Variants in BRAF observed in about 807,000 individuals in gnomAD.
The protein encoded by BRAF is serine/threonine-protein kinase B-raf.
A neutral mutation model predicts 104.6 loss-of-function variants in BRAF; 16 were observed. The ratio of observed to expected loss-of-function variants is 0.15; its 90% CI spans 0.10 to 0.23. BRAF has a LOEUF of 0.23. Ranked by LOEUF, BRAF falls within the 10% of genes least tolerant of loss-of-function variation. The probability of loss-of-function intolerance (pLI) is 1.00; values close to 1 mark genes in which losing one functional copy is unlikely to be tolerated. For synonymous variants in BRAF, 310 were observed against 341.6 expected (o/e 0.91, Z 1.02); for missense variants, 541 against 937.3 (o/e 0.58, Z 5.52).
intron 1 of BRAF, among the ~76,000 whole-genome samples, chr7:140,865,649 T>C (rs2129087386): frequency 6.6e-6 from 1 of 152,328 alleles, no homozygotes; most frequent in South Asian, 2.1e-4. Flanking sequence ...CACTTGAGAA[T>C]GGTAAAACTG....
Position 140,781,569 on chromosome 7 carries a change from T to C in BRAF, c.1552+7A>G, listed in dbSNP as rs1293263895. 6.2e-7 allele frequency: 1 copy of C among 1,610,440 alleles called. No individual in the cohort carries two copies. Among genetic ancestry groups the C allele is most frequent in the Admixed American group, 1.7e-5 (1 of 60,020 alleles). On this transcript the variant is annotated splice_region_variant and intron_variant, in intron 12 of 19. Transcript: ENST00000644969. ...CTTGTCACAATGTCACCACATTACATACTTACCATGCCACTTTCCCTTGTA... is the reference window on the plus strand; with the variant it reads ...CTTGTCACAATGTCACCACATTACACACTTACCATGCCACTTTCCCTTGTA...
At chr7:140,795,227 G>A (rs1236721023) in intron 7 of BRAF, among the ~76,000 whole-genome samples, 3 of 152,134 alleles carry the variant, frequency 2.0e-5, no homozygotes, top group Non-Finnish European at 2.9e-5. Flanking sequence ...CATAGTCTAT[G>A]ATATCTCACC....
At chr7:140,738,373 C>T (rs1286840131) in intron 18 of BRAF, among the ~76,000 whole-genome samples, 1 of 152,248 alleles carries the variant, frequency 6.6e-6, no homozygotes, top group Non-Finnish European at 1.5e-5. Flanking sequence ...ACATTGACTT[C>T]TGTCTGAGTT....
rs765734475 is a variant in BRAF, at chr7:140,721,777, G to C, written c.*4717C>G. ...AACAAGATACAAGAACCACAGCATG[G>C]AATATGTTTTCTTTTACATCCAATG... On this transcript the variant is annotated 3_prime_UTR_variant, in exon 20 of 20. Coordinates refer to ENST00000644969, the MANE Select transcript of BRAF (RefSeq NM_001374258.1). 1 of 1,448,596 alleles carries C rather than the reference G, an allele frequency of 6.9e-7. No homozygotes were observed. The highest frequency in any genetic ancestry group is 1.4e-5 in the South Asian group (1 of 69,212). 89.7% of individuals were successfully genotyped at this position (1,448,596 alleles called of 1,614,324 possible).
chr7:140,906,262 C>T (rs1471384146), intron 1 of BRAF, among the ~76,000 whole-genome samples: 1 of 151,998 alleles, frequency 6.6e-6, no homozygotes, highest in East Asian at 1.9e-4. Flanking sequence ...TGTGCAGTGG[C>T]ACGACCAAGG....
intron 1 of BRAF, among the ~76,000 whole-genome samples, chr7:140,875,669 C>T (rs564263732): frequency 3.2e-4 from 48 of 152,272 alleles, no homozygotes; most frequent in African/African-American, 1.1e-3. Context: ...GGAGCCACTG[C>T]GCCCAGCCTA....
intron 1 of BRAF, among the ~76,000 whole-genome samples, chr7:140,872,145 G>A (rs1165811019): frequency 6.6e-6 from 1 of 152,068 alleles, no homozygotes; most frequent in African/African-American, 2.4e-5. Flanking sequence ...AATCTGGAAG[G>A]TGGAGGCTGC....
intron 14 of BRAF, among the ~76,000 whole-genome samples, 164 bp from the exon 14 acceptor site, chr7:140,754,397 T>G (rs983887502): frequency 1.7e-4 from 26 of 152,146 alleles, no homozygotes; most frequent in African/African-American, 6.0e-4. Flanking sequence ...AGACTGTAAA[T>G]GAATTTAAGA....
In BRAF at chr7:140,720,176, T is replaced by C. The variant is rs1280923961; in HGVS notation, c.*6318A>G. 5 of 1,062,244 alleles carry C rather than the reference T, an allele frequency of 4.7e-6. No homozygotes were observed. The highest frequency in any genetic ancestry group is 5.7e-6 in the Non-Finnish European group (5 of 877,446). The allele number at this position is 1,062,244 out of a possible 1,614,324, so 65.8% of individuals were successfully genotyped here. On this transcript the variant is annotated 3_prime_UTR_variant, in exon 20 of 20. Transcript: ENST00000644969. ...GATCCTATCTTAGGAAAGGCAGCAA[T>C]TGCCATGTTGAGGAAAGGATCAGAT...
chr7:140,742,912 G>A (rs1358774669), intron 17 of BRAF, among the ~76,000 whole-genome samples: 5 of 151,638 alleles, frequency 3.3e-5, no homozygotes, highest in Non-Finnish European at 7.4e-5. Context: ...AGTGGGCAAA[G>A]GACATGAACA....
At chr7:140,873,273 C>T (rs996709487) in intron 1 of BRAF, among the ~76,000 whole-genome samples, 6 of 150,304 alleles carry the variant, frequency 4.0e-5, no homozygotes, top group Non-Finnish European at 8.8e-5. Flanking sequence ...CAGATTCAAG[C>T]GATTCTCCTG....
rs1365858617 is a variant in BRAF, at chr7:140,721,572, G to A, written c.*4922C>T. Reference sequence around the variant, plus strand: ...ACCAGAGCTAGCAACATGGACCACAGATATACTGGTGACTCCGCTCTCCTC... The same window carrying A: ...ACCAGAGCTAGCAACATGGACCACAAATATACTGGTGACTCCGCTCTCCTC... On this transcript the variant is annotated 3_prime_UTR_variant, in exon 20 of 20. Coordinates refer to ENST00000644969, the MANE Select transcript of BRAF (RefSeq NM_001374258.1). 1 of 1,521,992 alleles carries A rather than the reference G, an allele frequency of 6.6e-7. No individual in the cohort carries two copies. Among genetic ancestry groups the A allele is most frequent in the South Asian group, 1.2e-5 (1 of 81,586 alleles). The allele number at this position is 1,521,992 out of a possible 1,614,324, so 94.3% of individuals were successfully genotyped here. A position where few individuals can be genotyped will look rare whatever the true frequency, so the allele number is the denominator to read the frequency against.
chr7:140,759,113 A>G (rs1313702810), intron 14 of BRAF, among the ~76,000 whole-genome samples: 1 of 152,164 alleles, frequency 6.6e-6, no homozygotes, highest in Admixed American at 6.5e-5. Flanking sequence ...CAACTTATCT[A>G]TTTACTTATT....
intron 1 of BRAF, among the ~76,000 whole-genome samples, chr7:140,865,633 T>A (rs147645235): frequency 9.2e-4 from 140 of 152,282 alleles, no homozygotes; most frequent in African/African-American, 2.9e-3. Context: ...ATGAAACAAA[T>A]AGTATCACTT....
chr7:140,815,139 ATT>A (rs535513876), intron 3 of BRAF, among the ~76,000 whole-genome samples: 8 of 139,696 alleles, frequency 5.7e-5, no homozygotes, highest in East Asian at 2.1e-4. Flanking sequence ...CATCAATTAC[ATT>A]TTTTTTTTTT....
chr7:140,902,709 G>T (rs900154301), intron 1 of BRAF, among the ~76,000 whole-genome samples: 16 of 152,286 alleles, frequency 1.1e-4, no homozygotes, highest in African/African-American at 3.8e-4. Flanking sequence ...AAGGTGGGAG[G>T]ATTGCTTGAG....
intron 11 of BRAF, among the ~76,000 whole-genome samples, chr7:140,782,220 T>C (rs1420491867): frequency 6.6e-6 from 1 of 152,130 alleles, no homozygotes; most frequent in Admixed American, 6.5e-5. Context: ...AAACAATTTA[T>C]TAAAAAATAT....
chr7:140,808,991 G>A lies in BRAF; in HGVS notation c.509C>T (p.Pro170Leu), dbSNP rs1409723450. ...FLPNKQRTVV[P>L]ARCGVTVRDS... ...TCGGACTGTAACTCCACACCTTGCA[G>A]GTACCTATGGTATCATAAATATATT... The change falls in exon 4 of 20, where the codon CCT becomes CTT. Residue 170 changes from proline to leucine, a missense_variant. By Grantham distance (98) the Pro-to-Leu change is moderately conservative (BLOSUM62 -3). This residue lies in a region of BRAF where 26 missense variants were observed against 74.4 expected (regional missense o/e 0.35). Transcript: ENST00000644969. 1 of 1,607,116 alleles carries A rather than the reference G, an allele frequency of 6.2e-7. No homozygotes were observed. Among genetic ancestry groups the A allele is most frequent in the African/African-American group, 1.3e-5 (1 of 74,688 alleles).
In BRAF at chr7:140,722,260, T is replaced by C. The variant is rs1439695305; in HGVS notation, c.*4234A>G. 9.5e-7 allele frequency: 1 copy of C among 1,056,172 alleles called. No homozygotes were observed. Among genetic ancestry groups the C allele is most frequent in the Non-Finnish European group, 1.1e-6 (1 of 873,700 alleles). The allele number at this position is 1,056,172 out of a possible 1,614,324, so 65.4% of individuals were successfully genotyped here. On this transcript the variant is annotated 3_prime_UTR_variant, in exon 20 of 20. Transcript: ENST00000644969. The stretch of plus-strand genomic sequence containing the variant: ...TTCACTGAAAATTTACCTGTGTGTT[T>C]TCTCATTGTTAAATGTGATTTTGGC...
Sources: allele counts gnomAD v4.1 joint callset (sites outside exome capture counted in the v4.1 genomes callset), GRCh38; gene constraint gnomAD v4.1.1; regional missense constraint gnomAD v4.1.1; transcripts MANE v1.5; gene names NCBI Gene and HGNC (gene_info 2026-07-23, HGNC 2026-07-21).